The following SETD2 variants were observed in gnomAD, a reference collection of about 807,000 sequenced individuals.
SETD2 encodes the protein histone-lysine N-methyltransferase SETD2.
In SETD2, 31 loss-of-function variants were observed where a neutral mutation model predicts 242.1. The observed-to-expected ratio is 0.13, with a 90% CI of 0.10 to 0.17. The LOEUF is 0.17. Among genes scored for constraint, SETD2 ranks in the 10% least tolerant of loss-of-function variants. SETD2 has a pLI of 1.00. For synonymous variants in SETD2, 1,006 were observed against 1,066.5 expected (o/e 0.94, Z 1.11); for missense variants, 2,481 against 3,046.3 (o/e 0.81, Z 4.37).
chr3:47,102,831 T>A (rs948691631), intron 7 of SETD2, among the ~76,000 whole-genome samples: 3 of 147,998 alleles, frequency 2.0e-5, no homozygotes, highest in African/African-American at 7.4e-5. Context: ...CAGTCCCTCA[T>A]CAGTGTTATT....
intron 18 of SETD2, among the ~76,000 whole-genome samples, chr3:47,020,810 AT>A (rs1259056020): frequency 2.0e-5 from 3 of 152,124 alleles, no homozygotes; most frequent in Non-Finnish European, 4.4e-5. Context: ...CTCCCCACCC[AT>A]CTCCTGGTTC....
intron 18 of SETD2, among the ~76,000 whole-genome samples, chr3:47,027,785 T>TG (rs199874557): frequency 0.35 from 52,850 of 149,612 alleles, 9,694 homozygotes; most frequent in Middle Eastern, 0.5. Flanking sequence ...GCTGCTGGTT[T>TG]TTTTTTTTGT....
intron 12 of SETD2, among the ~76,000 whole-genome samples, chr3:47,079,231 C>T (rs1253433969): frequency 6.6e-6 from 1 of 152,062 alleles, no homozygotes; most frequent in Non-Finnish European, 1.5e-5. Flanking sequence ...TATGTGTTTT[C>T]ATTATGGTTA....
chr3:47,085,527 AC>A lies in SETD2; in HGVS notation c.5397+667del, dbSNP rs1254796122. Reference sequence around the variant, plus strand: ...TATTCCTCAATGTAGTTCCACAGAAACCCCAAGGCTTCCTCAATTTCCTCAA... The same window carrying A: ...TATTCCTCAATGTAGTTCCACAGAAACCCAAGGCTTCCTCAATTTCCTCAA... On this transcript the variant is annotated intron_variant, in intron 11 of 20. Coordinates refer to ENST00000409792, the MANE Select transcript of SETD2 (RefSeq NM_014159.7). Among the ~76,000 whole-genome samples, 10 of 152,166 alleles carry A rather than the reference AC, an allele frequency of 6.6e-5. No individual in the cohort carries two copies. The East Asian group carries it at 1.7e-3, about 26-fold the overall frequency.
At chr3:47,101,717 G>A (rs888236612) in intron 7 of SETD2, among the ~76,000 whole-genome samples, 162 bp from the exon 8 acceptor site, 61 of 151,680 alleles carry the variant, frequency 4.0e-4, no homozygotes, top group African/African-American at 1.4e-3. Flanking sequence ...ATAGCACATG[G>A]AGACTTTTTT....
At chr3:47,161,656 C>G (rs1179833327) in intron 1 of SETD2, among the ~76,000 whole-genome samples, 1 of 152,164 alleles carries the variant, frequency 6.6e-6, no homozygotes, top group African/African-American at 2.4e-5. Flanking sequence ...CAAGAAGAGG[C>G]CTGGCACAAT....
rs1162262776 is a variant in SETD2, at chr3:47,091,420, A to G, written c.5143-3173T>C. Among the ~76,000 whole-genome samples, 4 of 152,186 alleles carry G rather than the reference A, an allele frequency of 2.6e-5. No homozygotes were observed. The East Asian group carries it at 7.7e-4, about 29-fold the overall frequency. On this transcript the variant is annotated intron_variant, in intron 9 of 20. Transcript: ENST00000409792. The stretch of plus-strand genomic sequence containing the variant: ...GGCGGACAGATCACCTGAGGCCAGG[A>G]GTTCGGGACCAGCCTGGCAAACATG...
intron 9 of SETD2, among the ~76,000 whole-genome samples, chr3:47,088,485 G>A (rs937049082): frequency 1.1e-5 from 1 of 87,752 alleles, no homozygotes; most frequent in African/African-American, 5.5e-5. Context: ...CATCAAATAC[G>A]TAGCAAGAAC....
chr3:47,056,065 A>G (rs2040055949), intron 15 of SETD2, among the ~76,000 whole-genome samples: 1 of 130,990 alleles, frequency 7.6e-6, no homozygotes, highest in African/African-American at 2.6e-5. Context: ...TATAATCTAA[A>G]AAAAAAAAAA....
chr3:47,090,432 C>T (rs985102755), intron 9 of SETD2, among the ~76,000 whole-genome samples: 36 of 151,932 alleles, frequency 2.4e-4, no homozygotes, highest in Non-Finnish European at 2.2e-4. Flanking sequence ...CTCTGTCGCC[C>T]AGACTGGAGT....
intron 3 of SETD2, among the ~76,000 whole-genome samples, chr3:47,117,740 A>G (rs772692397): frequency 3.3e-5 from 5 of 152,226 alleles, no homozygotes; most frequent in South Asian, 2.1e-4. Context: ...CTCCATGCAG[A>G]CAGATTTATT....
chr3:47,030,455 G>A (rs189608271), intron 18 of SETD2, among the ~76,000 whole-genome samples: 6 of 152,104 alleles, frequency 3.9e-5, no homozygotes, highest in Admixed American at 1.3e-4. Context: ...AGTATCAAGC[G>A]GTTTAATAAC....
chr3:47,102,697 G>A (rs981254803), intron 7 of SETD2, among the ~76,000 whole-genome samples: 4 of 151,356 alleles, frequency 2.6e-5, no homozygotes, highest in African/African-American at 9.7e-5. Context: ...GGGAGGCTGA[G>A]GCAGGAGAAT....
chr3:47,033,999 G>C (rs1330974394), intron 18 of SETD2, among the ~76,000 whole-genome samples: 1 of 152,112 alleles, frequency 6.6e-6, no homozygotes, highest in African/African-American at 2.4e-5. Flanking sequence ...TTGAACTCCT[G>C]GCCTCAAGTG....
intron 15 of SETD2, chr3:47,046,847 A>G: frequency 3.1e-6 from 1 of 319,506 alleles, no homozygotes; most frequent in Non-Finnish European, 5.6e-6. Flanking sequence ...CTTTATCATA[A>G]GAAAATAAAA....
intron 19 of SETD2, among the ~76,000 whole-genome samples, chr3:47,018,770 C>T (rs560094145): frequency 7.9e-5 from 12 of 152,212 alleles, no homozygotes; most frequent in Non-Finnish European, 1.8e-4. Context: ...TGAAGAAGAA[C>T]AATACCATTC....
intron 1 of SETD2, among the ~76,000 whole-genome samples, chr3:47,150,828 G>A (rs748299066): frequency 2.0e-5 from 3 of 151,690 alleles, no homozygotes; most frequent in Non-Finnish European, 4.4e-5. Context: ...GGCGTAGTGG[G>A]AGGATTTCTT....
chr3:47,050,620 T>C (rs2039782360), intron 15 of SETD2, among the ~76,000 whole-genome samples: 2 of 150,192 alleles, frequency 1.3e-5, no homozygotes, highest in African/African-American at 4.9e-5. Context: ...TAAGTATATA[T>C]AACGTAAATA....
intron 12 of SETD2, among the ~76,000 whole-genome samples, chr3:47,074,394 C>T (rs11924361): frequency 6.6e-6 from 1 of 152,006 alleles, no homozygotes; most frequent in African/African-American, 2.4e-5. Context: ...GTTTTTAAAA[C>T]TAAAAAAGAA....
Sources: gnomAD v4.1 joint callset for allele counts (sites outside exome capture counted in the v4.1 genomes callset) on GRCh38, gnomAD v4.1.1 for gene constraint, MANE v1.5 for transcripts, NCBI Gene and HGNC (gene_info 2026-07-23, HGNC 2026-07-21) for gene names.